TBC1D16: variants seen among roughly 807,000 people sequenced by gnomAD.
TBC1D16 encodes the protein TBC1 domain family member 16, also known as CTD-2529O21.1.
A neutral mutation model predicts 74.7 loss-of-function variants in TBC1D16; 58 were observed. That is an observed-to-expected ratio of 0.78 (90% CI 0.63 to 0.97). TBC1D16 has a LOEUF of 0.97. Among genes scored for constraint, TBC1D16 ranks in the 50% least tolerant of loss-of-function variants. The pLI is 0.00. For synonymous variants in TBC1D16, 493 were observed against 474.7 expected (o/e 1.04, Z -0.50); for missense variants, 1,014 against 1,079.5 (o/e 0.94, Z 0.85).
At chr17:80,022,478 A>C (rs1179179415) in intron 1 of TBC1D16, among the ~76,000 whole-genome samples, 1 of 149,340 alleles carries the variant, frequency 6.7e-6, no homozygotes, top group African/African-American at 2.6e-5. Context: ...CTGGGATTAC[A>C]GGTGCCCACC....
At chr17:79,991,885 C>T (rs112673708) in intron 3 of TBC1D16, 162 of 51,248 alleles carry the variant, frequency 3.2e-3, no homozygotes, top group African/African-American at 0.012. Flanking sequence ...ACAGAGGCTC[C>T]GGGCAGCTGG....
At chr17:80,005,766 G>C (rs2035650299) in intron 3 of TBC1D16, among the ~76,000 whole-genome samples, 1 of 152,148 alleles carries the variant, frequency 6.6e-6, no homozygotes, top group South Asian at 2.1e-4. Flanking sequence ...CTTCCAGCAT[G>C]CAGACCCCAC....
Position 80,010,817 on chromosome 17 carries a change from T to A in TBC1D16, c.182-60A>T. ...CAGGAGGCTGTGGATGAGGCCCTTGTGGTACCTTTGGCGAGCTGCTCGGAG... is the reference window on the plus strand; with the variant it reads ...CAGGAGGCTGTGGATGAGGCCCTTGAGGTACCTTTGGCGAGCTGCTCGGAG... On this transcript the variant is annotated intron_variant, in intron 2 of 11. Coordinates refer to ENST00000310924, the MANE Select transcript of TBC1D16 (RefSeq NM_019020.4). This position sits in a 1 kb window ranked among gnomAD's most constrained non-coding sequence, Gnocchi z 8.8. 7.7e-7 allele frequency: 1 copy of A among 1,305,306 alleles called. No homozygotes were observed. The highest frequency in any genetic ancestry group is 1.8e-5 in the South Asian group (1 of 54,952). 80.9% of individuals were successfully genotyped at this position (1,305,306 alleles called of 1,614,324 possible).
chr17:80,012,593 T>C (rs1001167672), intron 2 of TBC1D16, among the ~76,000 whole-genome samples: 3 of 152,096 alleles, frequency 2.0e-5, no homozygotes, highest in Non-Finnish European at 4.4e-5. Context: ...TTTTTTTTAA[T>C]AGAGATGAAA....
rs1292571646 is a variant in TBC1D16, at chr17:79,979,249, G to A, written c.780-26431C>T. On this transcript the variant is annotated intron_variant, in intron 3 of 11. Coordinates refer to ENST00000310924, the MANE Select transcript of TBC1D16 (RefSeq NM_019020.4). This position sits in a 1 kb window ranked among gnomAD's most constrained non-coding sequence, Gnocchi z 4.8. ...GCACACCCACGCCTAGAGCACACAC[G>A]CTCCGGGGATGCACACCCACGCCCA... 3.3e-5 allele frequency among the ~76,000 whole-genome samples: 5 copies of A among 151,224 alleles called. No individual in the cohort carries two copies. The highest frequency in any genetic ancestry group is 9.7e-5 in the African/African-American group (4 of 41,118).
chr17:79,963,532 C>T (rs1378949201), intron 3 of TBC1D16, among the ~76,000 whole-genome samples: 1 of 152,176 alleles, frequency 6.6e-6, no homozygotes, highest in African/African-American at 2.4e-5. Flanking sequence ...GTGAATAATG[C>T]TGTGAAGCCA....
chr17:79,955,669 G>T (rs1374167642), intron 3 of TBC1D16, among the ~76,000 whole-genome samples: 2 of 152,160 alleles, frequency 1.3e-5, no homozygotes, highest in African/African-American at 4.8e-5. Context: ...TATTACATTA[G>T]AAAGATCTCA....
intron 3 of TBC1D16, chr17:79,991,840 A>C (rs2035074176): frequency 1.6e-5 from 2 of 128,532 alleles, no homozygotes; most frequent in African/African-American, 5.9e-5. Context: ...ACCTCCACGC[A>C]GATGGAGTTT....
chr17:80,027,279 A>G (rs1247417933), intron 1 of TBC1D16, among the ~76,000 whole-genome samples: 2 of 152,168 alleles, frequency 1.3e-5, no homozygotes, highest in African/African-American at 2.4e-5. Context: ...CTTGGGCAAC[A>G]TGGTGAAACC....
In TBC1D16 at chr17:80,001,543, G is replaced by A. The variant is rs914212714; in HGVS notation, c.779+8617C>T. ...TCCTCAGGGGGCGGCGGGCGCTCTC[G>A]GGGTATCCCCGGGCGCCCTGGTTGG... On this transcript the variant is annotated intron_variant, in intron 3 of 11. Transcript: ENST00000310924. This position sits in a 1 kb window ranked among gnomAD's most constrained non-coding sequence, Gnocchi z 5.8. Among the ~76,000 whole-genome samples the A allele has an allele frequency of 1.3e-5, 2 of 152,116 alleles. No individual in the cohort carries two copies. Among genetic ancestry groups the A allele is most frequent in the Admixed American group, 6.5e-5 (1 of 15,280 alleles).
At chr17:80,027,663 C>T (rs1280226408) in intron 1 of TBC1D16, among the ~76,000 whole-genome samples, 1 of 150,940 alleles carries the variant, frequency 6.6e-6, no homozygotes, top group Non-Finnish European at 1.5e-5. Context: ...GAGGCTGAGG[C>T]GGCAGATCGC....
intron 3 of TBC1D16, among the ~76,000 whole-genome samples, chr17:79,964,135 C>T (rs780564511): frequency 6.6e-5 from 10 of 152,088 alleles, no homozygotes; most frequent in Non-Finnish European, 1.2e-4. Flanking sequence ...ACCACCACGC[C>T]CAGCTAATTT....
chr17:79,990,895 G>A lies in TBC1D16; in HGVS notation c.779+19265C>T, dbSNP rs966759109. ...TCGGCGTAACGTCCTCAACTCATCC[G>A]TGTTGCGGCGCGTGTCAGAATTGCC... is the stretch of plus-strand genomic sequence containing the variant. On this transcript the variant is annotated intron_variant, in intron 3 of 11. Coordinates refer to ENST00000310924, the MANE Select transcript of TBC1D16 (RefSeq NM_019020.4). This position sits in a 1 kb window ranked among gnomAD's most constrained non-coding sequence, Gnocchi z 4.8. Among the ~76,000 whole-genome samples, 1 of 152,230 alleles carries A rather than the reference G, an allele frequency of 6.6e-6. No individual in the cohort carries two copies. Among genetic ancestry groups the A allele is most frequent in the African/African-American group, 2.4e-5 (1 of 41,458 alleles).
chr17:79,991,133 C>T (rs2035042325), intron 3 of TBC1D16, among the ~76,000 whole-genome samples: 1 of 152,226 alleles, frequency 6.6e-6, no homozygotes, highest in Admixed American at 6.5e-5. Flanking sequence ...ATAATTTTGA[C>T]AAGCAAGAGG....
In TBC1D16 at chr17:79,983,042, G is replaced by T. The variant is rs553140466; in HGVS notation, c.779+27118C>A. On this transcript the variant is annotated intron_variant, in intron 3 of 11. Coordinates refer to ENST00000310924, the MANE Select transcript of TBC1D16 (RefSeq NM_019020.4). This position sits in a 1 kb window ranked among gnomAD's most constrained non-coding sequence, Gnocchi z 5.6. ...GTGTGTGTGCACACGCATCCACCCC[G>T]AGCCTCTGTGTGCAGAGCTCCAAGC... 6.6e-6 allele frequency among the ~76,000 whole-genome samples: 1 copy of T among 152,196 alleles called. No individual in the cohort carries two copies. The highest frequency in any genetic ancestry group is 2.4e-5 in the African/African-American group (1 of 41,448).
intron 3 of TBC1D16, among the ~76,000 whole-genome samples, chr17:79,961,000 T>C (rs2033592236): frequency 6.6e-6 from 1 of 151,992 alleles, no homozygotes; most frequent in African/African-American, 2.4e-5. Context: ...ACATGGAAAA[T>C]GTTCACACGA....
chr17:80,005,591 G>A (rs545143289), intron 3 of TBC1D16, among the ~76,000 whole-genome samples: 7 of 152,314 alleles, frequency 4.6e-5, no homozygotes, highest in South Asian at 4.1e-4. Flanking sequence ...GTCTCAGGGC[G>A]GGGAGGCAGG....
Position 80,000,203 on chromosome 17 carries a change from C to T in TBC1D16, c.779+9957G>A, listed in dbSNP as rs1005175188. On this transcript the variant is annotated intron_variant, in intron 3 of 11. Transcript: ENST00000310924. This position sits in a 1 kb window ranked among gnomAD's most constrained non-coding sequence, Gnocchi z 4.1. ...AGGTTGGCACCCATAGAGCATATGCCGCGGTGAACAGTGCTCCCCCAAGAT... is the reference window on the plus strand; with the variant it reads ...AGGTTGGCACCCATAGAGCATATGCTGCGGTGAACAGTGCTCCCCCAAGAT... Among the ~76,000 whole-genome samples the T allele has an allele frequency of 6.6e-6, 1 of 152,200 alleles. No individual in the cohort carries two copies. The highest frequency in any genetic ancestry group is 2.4e-5 in the African/African-American group (1 of 41,518).
rs553000926 is a variant in TBC1D16, at chr17:80,033,383, T to G, written c.-63+2412A>C. On this transcript the variant is annotated intron_variant, in intron 1 of 11. Coordinates refer to ENST00000310924, the MANE Select transcript of TBC1D16 (RefSeq NM_019020.4). ...GTTGTTGTTGTTTGGGTTTTTTAGG[T>G]TTTTTTTTTAAGCAGAGTCTCACTC... is the stretch of plus-strand genomic sequence containing the variant. Among the ~76,000 whole-genome samples, 117 of 148,614 alleles carry G rather than the reference T, an allele frequency of 7.9e-4. 1 individual carries two copies. Among genetic ancestry groups the G allele is most frequent in the Admixed American group, 3.1e-3 (46 of 14,852 alleles).
Sources: allele counts gnomAD v4.1 joint callset (sites outside exome capture counted in the v4.1 genomes callset), GRCh38; gene constraint gnomAD v4.1.1; non-coding constraint Gnocchi (gnomAD v3.1); transcripts MANE v1.5; gene names NCBI Gene and HGNC (gene_info 2026-07-23, HGNC 2026-07-21).